PTPRD: variants seen among roughly 807,000 people sequenced by gnomAD.
PTPRD encodes receptor-type tyrosine-protein phosphatase delta.
In PTPRD, 34 loss-of-function variants were observed where a neutral mutation model predicts 214.5. That is an observed-to-expected ratio of 0.16 (90% confidence interval 0.12 to 0.21). The LOEUF (loss-of-function observed/expected upper bound fraction) is 0.21, where lower values mean the gene tolerates loss of function less well. PTPRD is among the 10% of genes least tolerant of loss of function. The pLI is 1.00. For synonymous variants in PTPRD, 1,128 were observed against 845.7 expected, an observed-to-expected ratio of 1.33 and a Z score of -5.79; for missense variants, 2,545 against 2,398.7, an observed-to-expected ratio of 1.06 and a Z score of -1.27.
chr9:10,511,569 A>ATTTTTTTTTTTT (rs66768632), intron 2 of PTPRD, among the ~76,000 whole-genome samples: 4 of 127,868 alleles, frequency 3.1e-5, no homozygotes, highest in Non-Finnish European at 6.4e-5. Flanking sequence ...ACACCCTGGT[A>ATTTTTTTTTTTT]TTTTTTTTTT....
intron 5 of PTPRD, among the ~76,000 whole-genome samples, chr9:9,931,233 C>T (rs572326170): frequency 3.3e-5 from 5 of 152,114 alleles, no homozygotes; most frequent in Admixed American, 6.5e-5. Context: ...CCAAGATGGC[C>T]GAATAGGAAC....
intron 12 of PTPRD, among the ~76,000 whole-genome samples, chr9:8,687,026 G>C (rs1389524696): frequency 6.6e-6 from 1 of 152,144 alleles, no homozygotes; most frequent in Non-Finnish European, 1.5e-5. Flanking sequence ...ATGATTGAAA[G>C]AAAAATCAAT....
chr9:9,950,995 C>T (rs562457173), intron 4 of PTPRD, among the ~76,000 whole-genome samples: 1 of 152,244 alleles, frequency 6.6e-6, no homozygotes, highest in African/African-American at 2.4e-5. Context: ...CTGGATTACT[C>T]ACTGGTATGA....
intron 12 of PTPRD, among the ~76,000 whole-genome samples, chr9:8,702,479 G>C (rs945598065): frequency 1.3e-5 from 2 of 152,152 alleles, no homozygotes; most frequent in African/African-American, 4.8e-5. Flanking sequence ...CCTGTCTTCA[G>C]AAAGCTCCAG....
chr9:9,626,625 A>G (rs1460837514), intron 7 of PTPRD, among the ~76,000 whole-genome samples: 1 of 152,218 alleles, frequency 6.6e-6, no homozygotes, highest in African/African-American at 2.4e-5. Context: ...AGAGTCAGGT[A>G]TGTTTTAATT....
chr9:8,323,952 CATT>C (rs1830954776), intron 44 of PTPRD, among the ~76,000 whole-genome samples: 1 of 152,226 alleles, frequency 6.6e-6, no homozygotes, highest in African/African-American at 2.4e-5. Flanking sequence ...TGGCAAACTT[CATT>C]ATTATTTTCT....
intron 14 of PTPRD, among the ~76,000 whole-genome samples, chr9:8,614,454 C>A (rs1043692543): frequency 6.6e-6 from 1 of 152,158 alleles, no homozygotes; most frequent in South Asian, 2.1e-4. Flanking sequence ...TGATAAGATG[C>A]CACACAGATT....
At chr9:9,970,363 T>G (rs1479727786) in intron 4 of PTPRD, among the ~76,000 whole-genome samples, 1 of 138,908 alleles carries the variant, frequency 7.2e-6, no homozygotes, top group Non-Finnish European at 1.5e-5. Context: ...GGCAGGAGAA[T>G]GGCGTGAACC....
At chr9:8,351,364 G>C (rs917682914) in intron 39 of PTPRD, among the ~76,000 whole-genome samples, 1 of 151,626 alleles carries the variant, frequency 6.6e-6, no homozygotes, top group African/African-American at 2.4e-5. Flanking sequence ...AATGGTGGCA[G>C]TACAGATAAA....
chr9:8,324,816 C>T (rs535319592), intron 44 of PTPRD, among the ~76,000 whole-genome samples: 1 of 149,366 alleles, frequency 6.7e-6, no homozygotes, highest in Admixed American at 7.0e-5. Context: ...GATGGTATCT[C>T]ATTGTGGTTT....
intron 5 of PTPRD, among the ~76,000 whole-genome samples, chr9:9,899,896 T>C (rs1395955349): frequency 6.6e-6 from 1 of 151,882 alleles, no homozygotes; most frequent in African/African-American, 2.4e-5. Context: ...TGTGACAACA[T>C]AGAAAAACCT....
intron 39 of PTPRD, among the ~76,000 whole-genome samples, chr9:8,353,864 A>G (rs80298738): frequency 0.11 from 11,040 of 102,308 alleles, 853 homozygotes; most frequent in Middle Eastern, 0.15. Flanking sequence ...ATGTGTATAT[A>G]TGTATATATG....
chr9:9,580,738 G>A (rs1434578965), intron 7 of PTPRD, among the ~76,000 whole-genome samples: 1 of 151,552 alleles, frequency 6.6e-6, no homozygotes, highest in Non-Finnish European at 1.5e-5. Context: ...TAGTAGAGAT[G>A]GGCTTTCAGC....
chr9:10,118,377 A>C (rs1208014800), intron 3 of PTPRD, among the ~76,000 whole-genome samples: 2 of 151,676 alleles, frequency 1.3e-5, no homozygotes, highest in African/African-American at 4.8e-5. Context: ...AAGAAATAAT[A>C]TATGCTTAAT....
At chr9:9,882,873 C>A (rs991779369) in intron 5 of PTPRD, among the ~76,000 whole-genome samples, 1 of 152,106 alleles carries the variant, frequency 6.6e-6, no homozygotes, top group African/African-American at 2.4e-5. Context: ...CTGTGAATGG[C>A]TTAGTGCCCT....
chr9:9,949,306 G>A (rs1032497813), intron 4 of PTPRD, among the ~76,000 whole-genome samples: 20 of 152,058 alleles, frequency 1.3e-4, no homozygotes, highest in Non-Finnish European at 2.8e-4. Context: ...ACACACCAAG[G>A]CTTCCTAACC....
intron 11 of PTPRD, among the ~76,000 whole-genome samples, chr9:8,787,336 G>A (rs1243937872): frequency 6.6e-6 from 1 of 152,092 alleles, no homozygotes; most frequent in Non-Finnish European, 1.5e-5. Context: ...AAGCTGCTTT[G>A]AGGATTATTA....
intron 10 of PTPRD, among the ~76,000 whole-genome samples, chr9:9,129,002 T>A (rs946492511): frequency 1.3e-5 from 2 of 152,210 alleles, no homozygotes; most frequent in African/African-American, 4.8e-5. Context: ...TTGGGAAATA[T>A]AAAGCTGTAT....
chr9:9,187,865 C>G (rs1424620564), intron 9 of PTPRD, among the ~76,000 whole-genome samples: 1 of 151,572 alleles, frequency 6.6e-6, no homozygotes, highest in Non-Finnish European at 1.5e-5. Context: ...TAAGAACAAG[C>G]AGGACTTCTT....
Sources: allele counts gnomAD v4.1 joint callset (sites outside exome capture counted in the v4.1 genomes callset), GRCh38; gene constraint gnomAD v4.1.1; transcripts MANE v1.5; gene names NCBI Gene and HGNC (gene_info 2026-07-23, HGNC 2026-07-21).